The following UHRF2 variants were observed in gnomAD, a reference collection of about 807,000 sequenced individuals.
UHRF2 encodes ubiquitin like with PHD and ring finger domains 2.
A neutral mutation model predicts 96.8 loss-of-function variants in UHRF2; 23 were observed. The ratio of observed to expected loss-of-function variants is 0.24; its 90% confidence interval spans 0.17 to 0.34. The LOEUF is 0.34. Among genes scored for constraint, UHRF2 ranks in the 10% least tolerant of loss-of-function variants. The pLI, the probability that UHRF2 is intolerant of heterozygous loss-of-function variation, is 1.00. For missense variants in UHRF2, 685 were observed against 981.5 expected (o/e 0.70, Z 4.04); for synonymous variants, 385 against 332.6 (o/e 1.16, Z -1.72).
intron 5 of UHRF2, 51 bp from the exon 6 acceptor site, chr9:6,477,571 G>C (rs746244269): frequency 2.0e-6 from 3 of 1,485,486 alleles, no homozygotes; most frequent in South Asian, 2.7e-5. Context: ...GAGATTCATA[G>C]ATATAAAAAA....
chr9:6,467,661 T>C (rs1248544054), intron 4 of UHRF2, among the ~76,000 whole-genome samples: 5 of 150,552 alleles, frequency 3.3e-5, no homozygotes, highest in Non-Finnish European at 7.4e-5. Flanking sequence ...TTAAATTTGC[T>C]GTTGGGCTGA....
At chr9:6,432,153 G>A (rs1054133393) in intron 2 of UHRF2, among the ~76,000 whole-genome samples, 4 of 152,084 alleles carry the variant, frequency 2.6e-5, no homozygotes, top group African/African-American at 9.7e-5. Flanking sequence ...CTGATTGTTT[G>A]TCCTACCCAG....
intron 9 of UHRF2, among the ~76,000 whole-genome samples, chr9:6,491,734 T>C (rs1824670837): frequency 6.6e-6 from 1 of 152,174 alleles, no homozygotes; most frequent in South Asian, 2.1e-4. Flanking sequence ...CTGAGTTACT[T>C]TGGGGCAGTG....
chr9:6,461,925 T>C (rs2130851149), intron 4 of UHRF2, among the ~76,000 whole-genome samples: 1 of 152,274 alleles, frequency 6.6e-6, no homozygotes, highest in Non-Finnish European at 1.5e-5. Flanking sequence ...ATTTCTTTTC[T>C]TTAGAATAAA....
rs2381445 is a variant in UHRF2, at chr9:6,446,413, G to A, written c.644+12240G>A. Among the ~76,000 whole-genome samples the A allele has an allele frequency of 5.6e-4, 85 of 151,746 alleles. 2 individuals carry two copies. The East Asian group carries it at 0.016, about 28-fold the overall frequency. ...CTGCCTCAGCCTCCCAAAGTGCTGG[G>A]TTTACAGGCGTGAGCCACCATGCCT... On this transcript the variant is annotated intron_variant, in intron 3 of 15. Transcript: ENST00000276893.
At chr9:6,493,734 A>G in intron 9 of UHRF2, 92 bp from the exon 10 acceptor site, 2 of 1,114,742 alleles carry the variant, frequency 1.8e-6, no homozygotes, top group African/African-American at 1.6e-5. Flanking sequence ...TCAACTCATA[A>G]CATCCTAATG....
chr9:6,433,089 C>A (rs979423468), intron 2 of UHRF2, among the ~76,000 whole-genome samples: 1 of 152,206 alleles, frequency 6.6e-6, no homozygotes, highest in Non-Finnish European at 1.5e-5. Context: ...CCTGCCTTGG[C>A]CTTCCAAAGA....
At position 6,496,956 on chromosome 9, in the gene UHRF2, T is replaced by G. The variant is rs1325971762; in HGVS notation, c.1605-242T>G. ...ATACGTGGCACAGATGTTATTACTT[T>G]CAGAAGAACCCTACAGGCTATCTGA... is the stretch of plus-strand genomic sequence containing the variant. On this transcript the variant is annotated intron_variant, in intron 10 of 15. Transcript: ENST00000276893. 7 of 391,086 alleles carry G rather than the reference T, an allele frequency of 1.8e-5. No individual in the cohort carries two copies. In the Admixed American group the frequency reaches 2.7e-4, roughly 15 times the overall value. 24.2% of individuals were successfully genotyped at this position (391,086 alleles called of 1,614,324 possible).
chr9:6,486,027 C>A (rs58586889), intron 8 of UHRF2, among the ~76,000 whole-genome samples: 251 of 152,004 alleles, frequency 1.7e-3, no homozygotes, highest in African/African-American at 5.8e-3. Flanking sequence ...ATATATGTTC[C>A]TTGAAGGAGA....
At chr9:6,483,324 CAAAA>C (rs34497002) in intron 8 of UHRF2, among the ~76,000 whole-genome samples, 7 of 59,526 alleles carry the variant, frequency 1.2e-4, no homozygotes, top group Non-Finnish European at 2.1e-4. Flanking sequence ...GACTCTGTCT[CAAAA>C]AAAAAAAAAA....
intron 3 of UHRF2, among the ~76,000 whole-genome samples, chr9:6,452,074 G>A (rs559663748): frequency 5.9e-5 from 9 of 151,576 alleles, no homozygotes; most frequent in Non-Finnish European, 8.8e-5. Context: ...TACACATACC[G>A]TTTGCACCTT....
At chr9:6,416,704 T>A (rs1381614722) in intron 1 of UHRF2, among the ~76,000 whole-genome samples, 2 of 151,588 alleles carry the variant, frequency 1.3e-5, no homozygotes, top group African/African-American at 4.9e-5. Context: ...TGCGCCCGGC[T>A]GATTTTTTGT....
At chr9:6,461,902 T>G (rs1481377159) in intron 4 of UHRF2, among the ~76,000 whole-genome samples, 1 of 152,176 alleles carries the variant, frequency 6.6e-6, no homozygotes, top group African/African-American at 2.4e-5. Context: ...TCCTTGTATA[T>G]GCATTTTTGT....
intron 3 of UHRF2, among the ~76,000 whole-genome samples, chr9:6,437,012 A>G (rs1421702698): frequency 1.1e-4 from 17 of 152,250 alleles, no homozygotes; most frequent in Admixed American, 1.1e-3. Flanking sequence ...GATGTATAAC[A>G]TAAATAAGCT....
chr9:6,466,417 G>A (rs1019817461), intron 4 of UHRF2, among the ~76,000 whole-genome samples: 1 of 152,026 alleles, frequency 6.6e-6, no homozygotes, highest in Non-Finnish European at 1.5e-5. Context: ...GTGCACGCCT[G>A]TAATTCCAAG....
At chr9:6,424,470 C>A (rs908545022) in intron 2 of UHRF2, among the ~76,000 whole-genome samples, 16 of 152,158 alleles carry the variant, frequency 1.1e-4, no homozygotes, top group Non-Finnish European at 2.2e-4. Context: ...ATACTTAATA[C>A]ATTTTTTACA....
intron 4 of UHRF2, among the ~76,000 whole-genome samples, chr9:6,469,693 CGTATATACAT>C (rs1823106936): frequency 1.4e-5 from 2 of 147,154 alleles, no homozygotes; most frequent in South Asian, 2.1e-4. Flanking sequence ...TATATATACA[CGTATATACAT>C]ACATATACAC....
chr9:6,497,082 A>C, intron 10 of UHRF2, 116 bp from the exon 11 acceptor site: 1 of 909,528 alleles, frequency 1.1e-6, no homozygotes. Context: ...TATGGAAAGA[A>C]TCATAGAATC....
At chr9:6,451,466 G>GT (rs34757017) in intron 3 of UHRF2, among the ~76,000 whole-genome samples, 10 of 141,810 alleles carry the variant, frequency 7.1e-5, no homozygotes, top group African/African-American at 2.1e-4. Flanking sequence ...GTTTTTTTTT[G>GT]TTTTTTTTTT....
Sources: gnomAD v4.1 joint callset for allele counts (sites outside exome capture counted in the v4.1 genomes callset) on GRCh38, gnomAD v4.1.1 for gene constraint, MANE v1.5 for transcripts, NCBI Gene and HGNC (gene_info 2026-07-23, HGNC 2026-07-21) for gene names.